Variants in CENPP observed in about 807,000 individuals in gnomAD.
CENPP encodes centromere protein P.
CENPP carries 24 observed loss-of-function variants against 35.6 expected under a neutral mutation model. That is an observed-to-expected ratio of 0.67 (90% CI 0.49 to 0.95). CENPP has a LOEUF of 0.95. CENPP is among the 40% of genes least tolerant of loss of function. CENPP has a pLI of 0.00. For missense variants in CENPP, 332 were observed against 345.3 expected (o/e 0.96, Z 0.31); for synonymous variants, 120 against 125.5 (o/e 0.96, Z 0.29).
At chr9:92,485,570 A>G (rs912987211) in intron 5 of CENPP, among the ~76,000 whole-genome samples, 16 of 152,200 alleles carry the variant, frequency 1.1e-4, no homozygotes, top group Non-Finnish European at 2.9e-5. Flanking sequence ...CTCTCGTATG[A>G]TTTCTCACAC....
chr9:92,529,668 C>A (rs775322047), intron 5 of CENPP, among the ~76,000 whole-genome samples: 17 of 152,084 alleles, frequency 1.1e-4, no homozygotes, highest in Non-Finnish European at 1.5e-4. Context: ...CATGGAAGAA[C>A]CTTAAATGCA....
chr9:92,340,044 T>C (rs1841061914), intron 3 of CENPP: 1 of 153,766 alleles, frequency 6.5e-6, no homozygotes. Context: ...CACTACCATC[T>C]CCGAAAACAT....
Position 92,618,300 on chromosome 9 carries a change from C to A in CENPP, c.*5151C>A. On this transcript the variant is annotated 3_prime_UTR_variant, in exon 8 of 8. Coordinates refer to ENST00000375587, the MANE Select transcript of CENPP (RefSeq NM_001012267.3). ...GCTCAGTGCCTTCAGGACATGCCCT[C>A]CCCTCCCCTCCTAGTGTCGTTTCTG... 1 of 456,730 alleles carries A rather than the reference C, an allele frequency of 2.2e-6. No homozygotes were observed. The highest frequency in any genetic ancestry group is 1.5e-5 in the South Asian group (1 of 64,566). The allele number at this position is 456,730 out of a possible 1,614,324, so 28.3% of individuals were successfully genotyped here.
chr9:92,615,521 A>G lies in CENPP; in HGVS notation c.*2372A>G. 3.3e-6 allele frequency: 1 copy of G among 303,738 alleles called. No homozygotes were observed. The highest frequency in any genetic ancestry group is 4.2e-5 in the South Asian group (1 of 24,016). 18.8% of individuals were successfully genotyped at this position (303,738 alleles called of 1,614,324 possible). On this transcript the variant is annotated 3_prime_UTR_variant, in exon 8 of 8. Transcript: ENST00000375587. ...TGGGTCTTAGAATAAGGCTTTTCGCATTAGAGAATCAGACATGAGCCCTGG... is the reference window on the plus strand; with the variant it reads ...TGGGTCTTAGAATAAGGCTTTTCGCGTTAGAGAATCAGACATGAGCCCTGG...
rs532717218 is a variant in CENPP, at chr9:92,333,652, G to A, written c.289+1301G>A. Among the ~76,000 whole-genome samples, 5 of 152,270 alleles carry A rather than the reference G, an allele frequency of 3.3e-5. No homozygotes were observed. In the South Asian group the frequency reaches 1.0e-3, roughly 32 times the overall value. On this transcript the variant is annotated intron_variant, in intron 2 of 7. Transcript: ENST00000375587. ...AGGAGTTTCTTGAAATTAATTGCAA[G>A]TAATTCAGCAAGAGTAATGGTACCG...
chr9:92,416,056 G>GTATATATATATA (rs1403964887), intron 5 of CENPP, among the ~76,000 whole-genome samples: 1 of 83,452 alleles, frequency 1.2e-5, no homozygotes, highest in African/African-American at 3.3e-5. Flanking sequence ...TTATATATGT[G>GTATATATATATA]TGTATATATA....
intron 5 of CENPP, among the ~76,000 whole-genome samples, chr9:92,482,955 GA>G (rs1845960607): frequency 6.6e-6 from 1 of 151,404 alleles, no homozygotes; most frequent in Non-Finnish European, 1.5e-5. Context: ...GCATGTCAGG[GA>G]AACTATGGAT....
chr9:92,521,576 T>G (rs1024325755), intron 5 of CENPP, among the ~76,000 whole-genome samples: 5 of 152,224 alleles, frequency 3.3e-5, no homozygotes, highest in Non-Finnish European at 7.3e-5. Context: ...TTTTCTGTTA[T>G]TCTTTTGAAA....
At chr9:92,391,525 G>T (rs1055615290) in intron 5 of CENPP, among the ~76,000 whole-genome samples, 1 of 152,168 alleles carries the variant, frequency 6.6e-6, no homozygotes, top group East Asian at 1.9e-4. Context: ...CTTGAACCCA[G>T]GAGGCAGAGG....
intron 5 of CENPP, chr9:92,502,434 T>C (rs1239799517): frequency 6.5e-7 from 1 of 1,528,602 alleles, no homozygotes; most frequent in Non-Finnish European, 9.0e-7. Context: ...CTTATCCCAT[T>C]CCCAGTTTCC....
chr9:92,376,950 C>T (rs189130380), intron 4 of CENPP, among the ~76,000 whole-genome samples: 7 of 151,550 alleles, frequency 4.6e-5, no homozygotes, highest in East Asian at 1.9e-4. Context: ...GAGGCTGAGG[C>T]GGGAGAATCA....
intron 5 of CENPP, among the ~76,000 whole-genome samples, chr9:92,429,345 CT>C (rs1335670207): frequency 1.3e-5 from 2 of 152,152 alleles, no homozygotes; most frequent in Non-Finnish European, 2.9e-5. Flanking sequence ...GTGAAACAAA[CT>C]TTTATTAACA....
intron 5 of CENPP, among the ~76,000 whole-genome samples, chr9:92,585,005 C>T (rs1398311669): frequency 2.0e-5 from 3 of 152,160 alleles, no homozygotes; most frequent in Non-Finnish European, 4.4e-5. Context: ...GTTGAAGCAA[C>T]AAATATATAC....
At chr9:92,329,328 G>A (rs886679846) in intron 1 of CENPP, among the ~76,000 whole-genome samples, 5 of 151,674 alleles carry the variant, frequency 3.3e-5, no homozygotes, top group African/African-American at 9.7e-5. Flanking sequence ...GGGATTACAG[G>A]CACCCGCCAC....
chr9:92,366,830 C>T (rs1841899377), intron 4 of CENPP, among the ~76,000 whole-genome samples: 1 of 152,114 alleles, frequency 6.6e-6, no homozygotes, highest in Non-Finnish European at 1.5e-5. Flanking sequence ...ACTGACTTCC[C>T]CAAGAGCTCT....
intron 5 of CENPP, among the ~76,000 whole-genome samples, chr9:92,457,670 T>A (rs1844929386): frequency 6.6e-6 from 1 of 152,158 alleles, no homozygotes; most frequent in African/African-American, 2.4e-5. Flanking sequence ...AAACTCAAGC[T>A]CATGTGTTGT....
At chr9:92,549,734 C>T (rs1191582302) in intron 5 of CENPP, among the ~76,000 whole-genome samples, 1 of 151,990 alleles carries the variant, frequency 6.6e-6, no homozygotes. Flanking sequence ...GATTAGATAT[C>T]ATTTTATCAA....
rs938545987 is a variant in CENPP, at chr9:92,450,707, T to C, written c.564+70848T>C. 5.1e-3 allele frequency among the ~76,000 whole-genome samples: 772 copies of C among 152,178 alleles called. 4 individuals carry two copies. Among genetic ancestry groups the C allele is most frequent in the African/African-American group, 0.015 (638 of 41,532 alleles). On this transcript the variant is annotated intron_variant, in intron 5 of 7. Transcript: ENST00000375587. ...CAATGGTTGAACTAGTTTACAGTCC[T>C]ACCAACAGTGTAAAAGTGTTCCTAT...
chr9:92,506,537 G>T (rs1013249897), intron 5 of CENPP, among the ~76,000 whole-genome samples: 1 of 152,192 alleles, frequency 6.6e-6, no homozygotes, highest in Non-Finnish European at 1.5e-5. Context: ...CAGATTAGGG[G>T]ATGTTTTCTA....
Sources: allele counts gnomAD v4.1 joint callset (sites outside exome capture counted in the v4.1 genomes callset), GRCh38; gene constraint gnomAD v4.1.1; transcripts MANE v1.5; gene names NCBI Gene and HGNC (gene_info 2026-07-23, HGNC 2026-07-21).